ADAMTS18: variants seen among roughly 807,000 people sequenced by gnomAD.
ADAMTS18 encodes ADAM metallopeptidase with thrombospondin type 1 motif 18, also known as A disintegrin and metalloproteinase with thrombospondin motifs 18.
ADAMTS18 carries 157 observed loss-of-function variants against 165.9 expected under a neutral mutation model. The ratio of observed to expected loss-of-function variants is 0.95; its 90% CI spans 0.83 to 1.08. The LOEUF is 1.08. Among genes scored for constraint, ADAMTS18 ranks in the 50% least tolerant of loss-of-function variants. ADAMTS18 has a pLI of 0.00. For missense variants in ADAMTS18, 2,040 were observed against 1,534.0 expected (o/e 1.33, Z -5.51); for synonymous variants, 782 against 578.2 (o/e 1.35, Z -5.06).
At chr16:77,284,924 A>AGAT (rs2055219078) in intron 22 of ADAMTS18, among the ~76,000 whole-genome samples, 1 of 151,468 alleles carries the variant, frequency 6.6e-6, no homozygotes, top group South Asian at 2.1e-4. Flanking sequence ...AAATGGGTTG[A>AGAT]GATTAACTGA....
Position 77,289,299 on chromosome 16 carries a change from C to G in ADAMTS18, c.3515G>C (p.Cys1172Ser). The G allele has an allele frequency of 6.2e-7, 1 of 1,614,178 alleles. No homozygotes were observed. Among genetic ancestry groups the G allele is most frequent in the Non-Finnish European group, 8.5e-7 (1 of 1,180,012 alleles). Residue 1172 changes from cysteine to serine, a missense_variant, in exon 22 of 23, where the codon TGT becomes TCT. Coordinates refer to ENST00000282849, the MANE Select transcript of ADAMTS18 (RefSeq NM_199355.4). ...LHQKPPVLRA[C>S]NTNFCPAPEK... ...AGGAGCTGGACAGAAGTTTGTATTA[C>G]AGGCTCGTAGCACCGGAGGTTTCTG...
At chr16:77,373,690 C>G (rs924726372) in intron 3 of ADAMTS18, among the ~76,000 whole-genome samples, 3 of 152,036 alleles carry the variant, frequency 2.0e-5, no homozygotes, top group African/African-American at 7.2e-5. Flanking sequence ...AACCAAACAC[C>G]ATCTGTCCCC....
chr16:77,297,044 A>G (rs1470736766), intron 18 of ADAMTS18, among the ~76,000 whole-genome samples: 1 of 152,190 alleles, frequency 6.6e-6, no homozygotes, highest in Non-Finnish European at 1.5e-5. Flanking sequence ...TGGCACAATC[A>G]TGACTCACTG....
chr16:77,332,249 G>A (rs2056201293), intron 12 of ADAMTS18, among the ~76,000 whole-genome samples: 3 of 152,148 alleles, frequency 2.0e-5, no homozygotes, highest in Admixed American at 2.0e-4. Flanking sequence ...AATTAAATCT[G>A]TTTTCCAAGT....
At chr16:77,359,512 G>T in intron 7 of ADAMTS18, 89 bp from the exon 8 acceptor site, 18 of 976,766 alleles carry the variant, frequency 1.8e-5, no homozygotes, top group South Asian at 3.0e-5. Flanking sequence ...GTTCTACACA[G>T]TTTTAGTTTA....
chr16:77,400,472 G>A (rs1205092152), intron 3 of ADAMTS18, among the ~76,000 whole-genome samples: 7 of 115,876 alleles, frequency 6.0e-5, no homozygotes, highest in African/African-American at 1.7e-4. Context: ...GTGTGTGTGT[G>A]TGTGTGTGTT....
chr16:77,302,370 C>G (rs1183430777), intron 16 of ADAMTS18, among the ~76,000 whole-genome samples: 1 of 151,956 alleles, frequency 6.6e-6, no homozygotes, highest in African/African-American at 2.4e-5. Flanking sequence ...ATGCAGAGAC[C>G]TTGTACCACA....
intron 16 of ADAMTS18, among the ~76,000 whole-genome samples, chr16:77,307,803 C>G (rs1342754088): frequency 6.6e-6 from 1 of 152,110 alleles, no homozygotes; most frequent in Non-Finnish European, 1.5e-5. Context: ...GAGGCACTTC[C>G]TTACTCATTT....
chr16:77,284,128 T>TC, intron 22 of ADAMTS18, 57 bp from the exon 23 acceptor site: 2 of 1,263,408 alleles, frequency 1.6e-6, no homozygotes, highest in Non-Finnish European at 2.3e-6. Flanking sequence ...TTTTTCTTTT[T>TC]TTTTTTTTTT....
At chr16:77,411,057 A>G (rs1329741740) in intron 3 of ADAMTS18, among the ~76,000 whole-genome samples, 1 of 152,214 alleles carries the variant, frequency 6.6e-6, no homozygotes, top group Admixed American at 6.5e-5. Context: ...ATGAATATCA[A>G]CTGACTACCT....
chr16:77,384,272 T>C (rs546643025), intron 3 of ADAMTS18, among the ~76,000 whole-genome samples: 10 of 152,350 alleles, frequency 6.6e-5, no homozygotes, highest in East Asian at 3.9e-4. Flanking sequence ...AGAAACATTA[T>C]ATCCTTTTCC....
intron 7 of ADAMTS18, among the ~76,000 whole-genome samples, chr16:77,361,228 T>C (rs779967464): frequency 2.0e-5 from 3 of 152,210 alleles, no homozygotes; most frequent in Non-Finnish European, 4.4e-5. Context: ...GCTTAACATA[T>C]TGACTGTCTG....
At chr16:77,425,861 G>T (rs2057665281) in intron 3 of ADAMTS18, among the ~76,000 whole-genome samples, 1 of 152,086 alleles carries the variant, frequency 6.6e-6, no homozygotes, top group Non-Finnish European at 1.5e-5. Context: ...TGGCCAAAAT[G>T]ATGAAACCCC....
chr16:77,390,152 C>G (rs2057166015), intron 3 of ADAMTS18, among the ~76,000 whole-genome samples: 2 of 151,852 alleles, frequency 1.3e-5, no homozygotes, highest in Admixed American at 6.6e-5. Context: ...AAAACTGAGA[C>G]CAAGAAATCA....
In ADAMTS18 at chr16:77,282,213, C is replaced by G. The variant is rs2055159029; in HGVS notation, c.*1743G>C. On this transcript the variant is annotated 3_prime_UTR_variant, in exon 23 of 23. Coordinates refer to ENST00000282849, the MANE Select transcript of ADAMTS18 (RefSeq NM_199355.4). The stretch of plus-strand genomic sequence containing the variant: ...ATATATTTTGACTTTTCTCTATAAT[C>G]CATGGTTTTATTCAACATTTTATCT... 1 of 151,910 alleles carries G rather than the reference C, an allele frequency of 6.6e-6. No individual in the cohort carries two copies. Among genetic ancestry groups the G allele is most frequent in the Non-Finnish European group, 1.5e-5 (1 of 67,974 alleles). The allele number at this position is 151,910 out of a possible 1,614,324, so 9.4% of individuals were successfully genotyped here. A position where few individuals can be genotyped will look rare whatever the true frequency, so the allele number is the denominator to read the frequency against.
chr16:77,354,390 A>G (rs1597160366), intron 9 of ADAMTS18, among the ~76,000 whole-genome samples: 1 of 152,312 alleles, frequency 6.6e-6, no homozygotes, highest in East Asian at 1.9e-4. Flanking sequence ...ACAGACAAAA[A>G]TAAATAACAT....
intron 6 of ADAMTS18, 95 bp downstream of exon 6, chr16:77,363,707 C>T (rs548431948): frequency 2.1e-5 from 24 of 1,148,404 alleles, no homozygotes; most frequent in Non-Finnish European, 2.7e-5. Flanking sequence ...GAGCAGCTAA[C>T]GACTAGTACA....
Position 77,367,465 on chromosome 16 carries a change from G to T in ADAMTS18, c.754C>A (p.His252Asn). ...CATTTCTTGCGTCGTCCACAAAAATGCTGCTTTTGCAACCTTCGATGGTGA... is the reference window on the plus strand; with the variant it reads ...CATTTCTTGCGTCGTCCACAAAAATTCTGCTTTTGCAACCTTCGATGGTGA... ...EYHHRRLQKQ[H>N]FCGRRKKYAP... Residue 252 changes from histidine (H) to asparagine (N), a missense_variant, in exon 4 of 23, where the codon CAT (histidine) becomes AAT (asparagine). His to Asn is a moderately conservative substitution (Grantham distance 68). Transcript: ENST00000282849. The T allele has an allele frequency of 6.2e-7, 1 of 1,614,222 alleles. No homozygotes were observed. Among genetic ancestry groups the T allele is most frequent in the East Asian group, 2.2e-5 (1 of 44,874 alleles).
chr16:77,345,127 T>C (rs1056266971), intron 10 of ADAMTS18, among the ~76,000 whole-genome samples: 1 of 152,192 alleles, frequency 6.6e-6, no homozygotes, highest in Admixed American at 6.5e-5. Flanking sequence ...TATTCTGTCC[T>C]GTCACTTGCT....
Sources: allele counts gnomAD v4.1 joint callset (sites outside exome capture counted in the v4.1 genomes callset), GRCh38; gene constraint gnomAD v4.1.1; transcripts MANE v1.5; gene names NCBI Gene and HGNC (gene_info 2026-07-23, HGNC 2026-07-21).